ARHGAP24: variants seen among roughly 807,000 people sequenced by gnomAD.
ARHGAP24 encodes rho GTPase-activating protein 24.
In ARHGAP24, 50 loss-of-function variants were observed where a neutral mutation model predicts 76.4. The ratio of observed to expected loss-of-function variants is 0.65; its 90% CI spans 0.52 to 0.83. The LOEUF is 0.83. Among genes scored for constraint, ARHGAP24 ranks in the 40% least tolerant of loss-of-function variants. The pLI is 0.00. For synonymous variants in ARHGAP24, 345 were observed against 323.3 expected, an observed-to-expected ratio of 1.07 and a Z score of -0.72; for missense variants, 930 against 914.2, an observed-to-expected ratio of 1.02 and a Z score of -0.22.
intron 2 of ARHGAP24, among the ~76,000 whole-genome samples, chr4:85,625,892 C>T (rs1387296714): frequency 6.6e-6 from 1 of 152,084 alleles, no homozygotes; most frequent in East Asian, 1.9e-4. Flanking sequence ...AGGATTGCAA[C>T]CCCTGCCTTT....
chr4:85,730,091 C>G (rs1191505753), intron 3 of ARHGAP24, among the ~76,000 whole-genome samples: 1 of 152,178 alleles, frequency 6.6e-6, no homozygotes, highest in Non-Finnish European at 1.5e-5. Flanking sequence ...AGTTCCATCT[C>G]TGAATAATAT....
intron 4 of ARHGAP24, among the ~76,000 whole-genome samples, chr4:85,936,470 C>T (rs1045817532): frequency 6.6e-6 from 1 of 152,010 alleles, no homozygotes; most frequent in African/African-American, 2.4e-5. Flanking sequence ...GGGACCCATC[C>T]CAGTGTGGTC....
intron 2 of ARHGAP24, among the ~76,000 whole-genome samples, chr4:85,626,484 C>T (rs1193222383): frequency 3.5e-5 from 1 of 28,174 alleles, no homozygotes; most frequent in East Asian, 1.7e-3. Context: ...CCCGACCTTT[C>T]TCTCTGGCTG....
At chr4:85,776,248 C>G (rs866971045) in intron 3 of ARHGAP24, among the ~76,000 whole-genome samples, 17 of 152,106 alleles carry the variant, frequency 1.1e-4, no homozygotes, top group South Asian at 2.1e-4. Flanking sequence ...TTCCGACTGC[C>G]TTGCCTGTGT....
chr4:85,665,058 C>T (rs531586922), intron 2 of ARHGAP24, among the ~76,000 whole-genome samples: 2 of 152,144 alleles, frequency 1.3e-5, no homozygotes, highest in African/African-American at 4.8e-5. Flanking sequence ...AGTTCAATTC[C>T]TGGATATCCT....
At position 85,518,260 on chromosome 4, in the gene ARHGAP24, A is replaced by G. The variant is rs569718819; in HGVS notation, c.-21+42701A>G. Among the ~76,000 whole-genome samples, 7 of 152,308 alleles carry G rather than the reference A, an allele frequency of 4.6e-5. No homozygotes were observed. In the South Asian group the frequency reaches 1.4e-3, roughly 32 times the overall value. ...TGGTGCTTAGAGGCAGAAAATCTTT[A>G]GCTAACTAGGAAAATTGACTATGAA... On this transcript the variant is annotated intron_variant, in intron 1 of 9. Transcript: ENST00000395184.
Position 85,974,972 on chromosome 4 carries a change from T to C in ARHGAP24, c.806+11T>C, listed in dbSNP as rs1440791520. 6.2e-7 allele frequency: 1 copy of C among 1,610,784 alleles called. No homozygotes were observed. The stretch of plus-strand genomic sequence containing the variant: ...CAAGTATATTTGCAGGTAAGAACTG[T>C]CCTAAGGACAAACGTAAACAAGACA... On this transcript the variant is annotated intron_variant, in intron 7 of 9. Coordinates refer to ENST00000395184, the MANE Select transcript of ARHGAP24 (RefSeq NM_001025616.3).
intron 2 of ARHGAP24, among the ~76,000 whole-genome samples, chr4:85,643,826 A>G (rs1448472541): frequency 6.6e-6 from 1 of 152,142 alleles, no homozygotes; most frequent in Non-Finnish European, 1.5e-5. Context: ...TCTCATTGTT[A>G]TTTGTAGGGG....
At chr4:85,648,331 A>G (rs1431908755) in intron 2 of ARHGAP24, among the ~76,000 whole-genome samples, 3 of 152,240 alleles carry the variant, frequency 2.0e-5, no homozygotes, top group Admixed American at 6.5e-5. Flanking sequence ...TAGATACTCA[A>G]TTATAGCTAT....
intron 3 of ARHGAP24, among the ~76,000 whole-genome samples, chr4:85,909,048 T>C (rs1049686546): frequency 6.6e-6 from 1 of 152,140 alleles, no homozygotes; most frequent in Non-Finnish European, 1.5e-5. Context: ...CCAAGAAATA[T>C]CTTGGGTTTT....
intron 3 of ARHGAP24, among the ~76,000 whole-genome samples, chr4:85,743,382 G>A (rs922375705): frequency 9.0e-6 from 1 of 111,030 alleles, no homozygotes; most frequent in Non-Finnish European, 1.7e-5. Flanking sequence ...GCCAAGGCGG[G>A]ATCCCATCTC....
chr4:85,539,021 A>T (rs1054998439), intron 1 of ARHGAP24, among the ~76,000 whole-genome samples: 1 of 152,202 alleles, frequency 6.6e-6, no homozygotes, highest in African/African-American at 2.4e-5. Flanking sequence ...GAATTCACAG[A>T]CAGTTGTGGG....
chr4:85,595,994 A>G (rs900243437), intron 2 of ARHGAP24, among the ~76,000 whole-genome samples: 4 of 151,998 alleles, frequency 2.6e-5, no homozygotes, highest in African/African-American at 7.2e-5. Context: ...CTGCATGCCA[A>G]TGCCTAGGAT....
intron 1 of ARHGAP24, among the ~76,000 whole-genome samples, chr4:85,550,844 T>G (rs1478870648): frequency 6.6e-6 from 1 of 152,226 alleles, no homozygotes; most frequent in Non-Finnish European, 1.5e-5. Flanking sequence ...GATCTGGCTC[T>G]CAGCTTAAAT....
intron 8 of ARHGAP24, among the ~76,000 whole-genome samples, chr4:85,994,050 C>G (rs552469504): frequency 6.6e-6 from 1 of 152,120 alleles, no homozygotes; most frequent in African/African-American, 2.4e-5. Flanking sequence ...TTTTCATTAT[C>G]TTGATATATT....
At chr4:85,642,070 C>G (rs1044655400) in intron 2 of ARHGAP24, among the ~76,000 whole-genome samples, 2 of 152,092 alleles carry the variant, frequency 1.3e-5, no homozygotes, top group Non-Finnish European at 1.5e-5. Context: ...AGGACCCTTT[C>G]TGAAATGGGA....
At chr4:85,517,538 A>G (rs972975620) in intron 1 of ARHGAP24, among the ~76,000 whole-genome samples, 2 of 152,208 alleles carry the variant, frequency 1.3e-5, no homozygotes, top group African/African-American at 4.8e-5. Context: ...TAATTGTTCA[A>G]AAGATTACAC....
At chr4:85,930,849 C>T (rs1429825674) in intron 4 of ARHGAP24, 3 of 1,604,110 alleles carry the variant, frequency 1.9e-6, no homozygotes, top group Non-Finnish European at 1.7e-6. Context: ...AGTAAACAAG[C>T]ATGAGGAGTG....
rs111706534 is a variant in ARHGAP24, at chr4:85,529,638, A to G, written c.-20-40884A>G. On this transcript the variant is annotated intron_variant, in intron 1 of 9. Coordinates refer to ENST00000395184, the MANE Select transcript of ARHGAP24 (RefSeq NM_001025616.3). ...ATCATCCTTAGCCTCTATTCACTAG[A>G]TGCCAGTAGAAACTCCCTTCCCAAT... Among the ~76,000 whole-genome samples the G allele has an allele frequency of 9.7e-3, 1,470 of 152,124 alleles. 13 individuals carry two copies. The highest frequency in any genetic ancestry group is 0.019 in the East Asian group (96 of 5,176).
Sources: allele counts gnomAD v4.1 joint callset (sites outside exome capture counted in the v4.1 genomes callset), GRCh38; gene constraint gnomAD v4.1.1; transcripts MANE v1.5; gene names NCBI Gene and HGNC (gene_info 2026-07-23, HGNC 2026-07-21).